The following FANK1 variants were observed in gnomAD, a reference collection of about 807,000 sequenced individuals.
FANK1 encodes fibronectin type 3 and ankyrin repeat domains protein 1.
FANK1 carries 44 observed loss-of-function variants against 45.3 expected under a neutral mutation model. The observed-to-expected ratio is 0.97, with a 90% CI of 0.76 to 1.25. The LOEUF is 1.25. FANK1 is among the 50% of genes most tolerant of loss of function. The probability of loss-of-function intolerance (pLI) is 0.00; values close to 1 mark genes in which losing one functional copy is unlikely to be tolerated. For missense variants in FANK1, 391 were observed against 424.4 expected (o/e 0.92, Z 0.69); for synonymous variants, 149 against 152.5 (o/e 0.98, Z 0.17).
intron 1 of FANK1, among the ~76,000 whole-genome samples, chr10:125,938,277 T>C (rs1015430930): frequency 4.3e-5 from 5 of 117,364 alleles, no homozygotes; most frequent in Non-Finnish European, 7.2e-5. Flanking sequence ...CTGGAGTGAA[T>C]AGTATGAATT....
chr10:126,003,442 T>C (rs1952929718), intron 6 of FANK1, among the ~76,000 whole-genome samples: 1 of 152,176 alleles, frequency 6.6e-6, no homozygotes, highest in East Asian at 1.9e-4. Context: ...GTTAACACTT[T>C]AGCAAGAATG....
rs543286093 is a variant in FANK1 at position 125,957,335 on chromosome 10, G to T, written c.14-22826G>T. 6.6e-5 allele frequency among the ~76,000 whole-genome samples: 10 copies of T among 151,900 alleles called. No individual in the cohort carries two copies. In the East Asian group the frequency reaches 1.5e-3, roughly 24 times the overall value. ...CAAAACGTTGTTATTTTTGTTGTAG[G>T]CAGACAACATATTTTATATTTACCC... On this transcript the variant is annotated intron_variant, in intron 1 of 10. Coordinates refer to ENST00000368693, the MANE Select transcript of FANK1 (RefSeq NM_145235.5).
chr10:125,930,224 A>G (rs942169613), intron 1 of FANK1, among the ~76,000 whole-genome samples: 2 of 151,380 alleles, frequency 1.3e-5, no homozygotes, highest in Non-Finnish European at 2.9e-5. Context: ...TGTATATTTA[A>G]TAGAGATGGG....
At chr10:125,998,341 C>T (rs1952499589) in intron 6 of FANK1, among the ~76,000 whole-genome samples, 1 of 152,186 alleles carries the variant, frequency 6.6e-6, no homozygotes, top group East Asian at 1.9e-4. Flanking sequence ...TTTACATTCT[C>T]TGAACACAAT....
chr10:125,931,286 C>T (rs1947735219), intron 1 of FANK1, among the ~76,000 whole-genome samples: 1 of 152,208 alleles, frequency 6.6e-6, no homozygotes, highest in South Asian at 2.1e-4. Flanking sequence ...TTTAAGGAAT[C>T]TCCACACTGT....
intron 2 of FANK1, among the ~76,000 whole-genome samples, chr10:125,987,545 A>G (rs1264767975): frequency 6.6e-6 from 1 of 151,948 alleles, no homozygotes. Context: ...ACACACACAC[A>G]CACCCTCTCA....
intron 1 of FANK1, among the ~76,000 whole-genome samples, chr10:125,901,506 G>C (rs948445666): frequency 6.6e-6 from 1 of 152,024 alleles, no homozygotes; most frequent in Non-Finnish European, 1.5e-5. Flanking sequence ...AAGTCCTTAC[G>C]TTGATCTAGC....
chr10:126,001,329 A>G (rs1276461884), intron 6 of FANK1, among the ~76,000 whole-genome samples: 2 of 152,234 alleles, frequency 1.3e-5, no homozygotes, highest in Admixed American at 6.5e-5. Context: ...TTCAGTGCTT[A>G]AGTAAACAGG....
In FANK1 at chr10:125,927,765, C is replaced by T. The variant is rs1393848358; in HGVS notation, c.13+31110C>T. ...TTTGCCACGTTGGCCGGGCTGGTCT[C>T]GAACTCCTGACCTCAGGTGATCTGC... On this transcript the variant is annotated intron_variant, in intron 1 of 10. Coordinates refer to ENST00000368693, the MANE Select transcript of FANK1 (RefSeq NM_145235.5). Among the ~76,000 whole-genome samples, 4 of 152,202 alleles carry T rather than the reference C, an allele frequency of 2.6e-5. No homozygotes were observed. The Middle Eastern group carries it at 0.01, about 388-fold the overall frequency.
Position 125,914,889 on chromosome 10 carries a change from G to A in FANK1, c.13+18234G>A, listed in dbSNP as rs113668655. 5.5e-4 allele frequency among the ~76,000 whole-genome samples: 83 copies of A among 152,240 alleles called. 1 individual carries two copies. In the East Asian group the frequency reaches 0.014, roughly 26 times the overall value. ...GGTGCGGAGGGGATGACTTAGGTGC[G>A]GAGGGGATGAGGTAGAACTGCTGGC... On this transcript the variant is annotated intron_variant, in intron 1 of 10. Transcript: ENST00000368693.
At chr10:125,916,179 A>C (rs1186843587) in intron 1 of FANK1, among the ~76,000 whole-genome samples, 1 of 152,132 alleles carries the variant, frequency 6.6e-6, no homozygotes, top group Non-Finnish European at 1.5e-5. Context: ...CAGGGACTAC[A>C]GGTGCATGCC....
Position 125,921,715 on chromosome 10 carries a change from A to G in FANK1, c.13+25060A>G, listed in dbSNP as rs569765465. Among the ~76,000 whole-genome samples, 13 of 152,254 alleles carry G rather than the reference A, an allele frequency of 8.5e-5. No individual in the cohort carries two copies. In the East Asian group the frequency reaches 2.1e-3, roughly 25 times the overall value. ...TTCAAGGAATTGATCTATTTCACCT[A>G]ATTTGTAGAATTTAGAAGCATATAG... On this transcript the variant is annotated intron_variant, in intron 1 of 10. Transcript: ENST00000368693.
chr10:125,969,465 C>T (rs1037510190), intron 1 of FANK1, among the ~76,000 whole-genome samples: 2 of 151,980 alleles, frequency 1.3e-5, no homozygotes, highest in Admixed American at 6.6e-5. Context: ...GAATGTGTAT[C>T]TGTGGGTGTG....
intron 1 of FANK1, among the ~76,000 whole-genome samples, chr10:125,954,220 G>A (rs909780939): frequency 5.9e-5 from 9 of 152,308 alleles, no homozygotes; most frequent in African/African-American, 2.2e-4. Context: ...AGAGCGGGTA[G>A]CAGATGTGGG....
intron 1 of FANK1, among the ~76,000 whole-genome samples, chr10:125,909,525 T>C (rs201126986): frequency 1.3e-5 from 2 of 151,664 alleles, no homozygotes; most frequent in Non-Finnish European, 2.9e-5. Flanking sequence ...TTTTCTTTTT[T>C]TTTTTTTGAG....
At chr10:125,931,706 A>T (rs1205642782) in intron 1 of FANK1, among the ~76,000 whole-genome samples, 1 of 152,170 alleles carries the variant, frequency 6.6e-6, no homozygotes, top group Non-Finnish European at 1.5e-5. Context: ...AAAGCTCATT[A>T]GTTTAATTAA....
intron 3 of FANK1, chr10:125,994,270 G>A (rs1018243297): frequency 2.9e-5 from 14 of 474,804 alleles, no homozygotes; most frequent in Admixed American, 2.6e-4. Flanking sequence ...TAGAATAACA[G>A]GCTGAAAGCA....
chr10:125,897,515 GTCTTA>G (rs1180092528), intron 1 of FANK1, among the ~76,000 whole-genome samples: 1 of 152,124 alleles, frequency 6.6e-6, no homozygotes, highest in Non-Finnish European at 1.5e-5. Flanking sequence ...AAACCAAGTC[GTCTTA>G]TCTTGTACAA....
At chr10:125,903,988 C>A (rs1245868424) in intron 1 of FANK1, among the ~76,000 whole-genome samples, 1 of 151,836 alleles carries the variant, frequency 6.6e-6, no homozygotes, top group Non-Finnish European at 1.5e-5. Context: ...TAGCTGGGAC[C>A]ACAGAATGTG....
Sources: gnomAD v4.1 joint callset for allele counts (sites outside exome capture counted in the v4.1 genomes callset) on GRCh38, gnomAD v4.1.1 for gene constraint, MANE v1.5 for transcripts, NCBI Gene and HGNC (gene_info 2026-07-23, HGNC 2026-07-21) for gene names.